The following TPST1 variants were observed in gnomAD, a reference collection of about 807,000 sequenced individuals.
The protein encoded by TPST1 is protein-tyrosine sulfotransferase 1.
Under a neutral mutation model 34.8 loss-of-function variants are expected in TPST1, and 20 were observed. The ratio of observed to expected loss-of-function variants is 0.57; its 90% CI spans 0.40 to 0.84. TPST1 has a LOEUF of 0.84. TPST1 is among the 40% of genes least tolerant of loss of function. TPST1 has a pLI of 0.00. For synonymous variants in TPST1, 152 were observed against 159.4 expected, an observed-to-expected ratio of 0.95 and a Z score of 0.35; for missense variants, 353 against 455.5, an observed-to-expected ratio of 0.78 and a Z score of 2.05.
chr7:66,221,057 T>C (rs989829727), intron 1 of TPST1, among the ~76,000 whole-genome samples: 32 of 151,410 alleles, frequency 2.1e-4, no homozygotes, highest in Admixed American at 5.3e-4. Flanking sequence ...TGCTTGAACC[T>C]GGGAGGTGGA....
chr7:66,241,275 G>A lies in TPST1; in HGVS notation c.845+5G>A. ...TGGGGGAGTGTCTCTGTCAAAGTGA[G>A]TAGAAGATACGTTTTTTATTTTGAC... On this transcript the variant is annotated splice_donor_5th_base_variant and intron_variant, in intron 2 of 5. Transcript: ENST00000304842. 6.3e-7 allele frequency: 1 copy of A among 1,591,720 alleles called. No individual in the cohort carries two copies. The highest frequency in any genetic ancestry group is 8.5e-7 in the Non-Finnish European group (1 of 1,170,470).
At chr7:66,246,260 G>A (rs144181891) in intron 2 of TPST1, among the ~76,000 whole-genome samples, 227 of 144,674 alleles carry the variant, frequency 1.6e-3, no homozygotes, top group African/African-American at 5.5e-3. Context: ...CGAACTCCTG[G>A]CCTCAAGCAG....
chr7:66,350,546 T>C (rs1410272384), intron 3 of TPST1, among the ~76,000 whole-genome samples: 2 of 150,488 alleles, frequency 1.3e-5, no homozygotes, highest in Admixed American at 6.6e-5. Context: ...AAAAAAAAAA[T>C]AGACCAAGTT....
At chr7:66,250,168 T>C (rs1043782075) in intron 2 of TPST1, among the ~76,000 whole-genome samples, 3 of 152,168 alleles carry the variant, frequency 2.0e-5, no homozygotes, top group Non-Finnish European at 4.4e-5. Context: ...TATGCTGAGC[T>C]CTCTGTGTGC....
intron 1 of TPST1, among the ~76,000 whole-genome samples, chr7:66,215,117 C>T (rs1454328317): frequency 7.4e-5 from 11 of 148,494 alleles, no homozygotes; most frequent in South Asian, 4.2e-4. Flanking sequence ...TGCAGTGGCG[C>T]GATCTTGGCT....
In TPST1 at chr7:66,356,864, T is replaced by C. The variant is rs747473204; in HGVS notation, c.*22T>C. Reference sequence around the variant, plus strand: ...GTAGCAGAACCAGGAGCCTCTTCCATACATGAGGTGAGGGTTGGGGGACAT... The same window carrying C: ...GTAGCAGAACCAGGAGCCTCTTCCACACATGAGGTGAGGGTTGGGGGACAT... On this transcript the variant is annotated 3_prime_UTR_variant, in exon 5 of 6. Coordinates refer to ENST00000304842, the MANE Select transcript of TPST1 (RefSeq NM_003596.4). 1 of 1,614,124 alleles carries C rather than the reference T, an allele frequency of 6.2e-7. No individual in the cohort carries two copies. Among genetic ancestry groups the C allele is most frequent in the Non-Finnish European group, 8.5e-7 (1 of 1,180,002 alleles).
chr7:66,254,941 A>G (rs1053634673), intron 2 of TPST1, among the ~76,000 whole-genome samples: 5 of 151,778 alleles, frequency 3.3e-5, no homozygotes, highest in African/African-American at 1.2e-4. Context: ...AGGTCAGGAG[A>G]TCGAGACCAT....
chr7:66,329,383 T>G (rs1226249560), intron 3 of TPST1, among the ~76,000 whole-genome samples: 1 of 152,220 alleles, frequency 6.6e-6, no homozygotes, highest in Admixed American at 6.5e-5. Flanking sequence ...GTTAAAATTT[T>G]GCCATATTTG....
At chr7:66,212,760 A>AT (rs1374035627) in intron 1 of TPST1, among the ~76,000 whole-genome samples, 2 of 151,836 alleles carry the variant, frequency 1.3e-5, no homozygotes, top group Non-Finnish European at 2.9e-5. Flanking sequence ...ACCTCAGTGC[A>AT]TTTTCTATTT....
intron 3 of TPST1, among the ~76,000 whole-genome samples, chr7:66,320,517 G>A (rs1791733693): frequency 6.6e-6 from 1 of 151,840 alleles, no homozygotes; most frequent in Non-Finnish European, 1.5e-5. Context: ...AAAGTGCTGG[G>A]ATTACAGGCG....
intron 3 of TPST1, among the ~76,000 whole-genome samples, chr7:66,347,173 T>C (rs1792373833): frequency 6.8e-6 from 1 of 147,824 alleles, no homozygotes; most frequent in South Asian, 2.2e-4. Flanking sequence ...GTTCAAGTAA[T>C]TCTAATGCCT....
chr7:66,322,388 C>T (rs1791775580), intron 3 of TPST1, among the ~76,000 whole-genome samples: 1 of 152,172 alleles, frequency 6.6e-6, no homozygotes, highest in South Asian at 2.1e-4. Flanking sequence ...TAAACAATAA[C>T]TCTCCATTCT....
chr7:66,323,758 TG>T (rs982410670), intron 3 of TPST1, among the ~76,000 whole-genome samples: 2 of 152,204 alleles, frequency 1.3e-5, no homozygotes, highest in Non-Finnish European at 1.5e-5. Context: ...ACCCAATTTG[TG>T]GTGAATTGAA....
At chr7:66,252,910 A>C (rs971235726) in intron 2 of TPST1, among the ~76,000 whole-genome samples, 1 of 152,180 alleles carries the variant, frequency 6.6e-6, no homozygotes, top group Admixed American at 6.5e-5. Context: ...TGTGAGGTGC[A>C]GATTCATTTT....
At chr7:66,235,360 G>GT (rs1789891075) in intron 1 of TPST1, among the ~76,000 whole-genome samples, 1 of 151,870 alleles carries the variant, frequency 6.6e-6, no homozygotes, top group Non-Finnish European at 1.5e-5. Flanking sequence ...TTTCTTTGCA[G>GT]TTTTTTCTTA....
intron 3 of TPST1, among the ~76,000 whole-genome samples, chr7:66,328,859 G>GCTCT (rs755431410): frequency 0.033 from 600 of 18,308 alleles, 40 homozygotes; most frequent in Non-Finnish European, 0.039. Context: ...TCTCTCTCCC[G>GCTCT]CTCTCTCTCT....
chr7:66,303,131 AT>A (rs913787752), intron 3 of TPST1, among the ~76,000 whole-genome samples: 1 of 152,124 alleles, frequency 6.6e-6, no homozygotes, highest in African/African-American at 2.4e-5. Flanking sequence ...TTCACATTAT[AT>A]TGTGATGATT....
intron 4 of TPST1, among the ~76,000 whole-genome samples, chr7:66,353,600 G>A (rs768723553): frequency 4.6e-5 from 7 of 152,204 alleles, no homozygotes; most frequent in Middle Eastern, 3.2e-3. Context: ...AGAGGAGCCC[G>A]GCATCCTGCC....
intron 3 of TPST1, among the ~76,000 whole-genome samples, chr7:66,298,264 T>C (rs1584217904): frequency 6.6e-6 from 1 of 152,326 alleles, no homozygotes; most frequent in Admixed American, 6.5e-5. Flanking sequence ...GGGAAAATTA[T>C]GAATTTTTCA....
Sources: allele counts gnomAD v4.1 joint callset (sites outside exome capture counted in the v4.1 genomes callset), GRCh38; gene constraint gnomAD v4.1.1; transcripts MANE v1.5; gene names NCBI Gene and HGNC (gene_info 2026-07-23, HGNC 2026-07-21).